Variants in ERC1 observed in about 807,000 individuals in gnomAD.
ERC1 encodes ELKS/RAB6-interacting/CAST family member 1, also known as RAB6 interacting protein 2.
In ERC1, 56 loss-of-function variants were observed where a neutral mutation model predicts 132.0. The ratio of observed to expected loss-of-function variants is 0.42; its 90% confidence interval spans 0.34 to 0.53. The LOEUF is 0.53. Ranked by LOEUF, ERC1 falls within the 20% of genes least tolerant of loss-of-function variation. ERC1 has a pLI of 0.03. For synonymous variants in ERC1, 478 were observed against 476.1 expected (o/e 1.00, Z -0.05); for missense variants, 1,202 against 1,349.9 (o/e 0.89, Z 1.72).
upstream of ERC1, chr12:991,166 G>A (rs1420964816): frequency 6.6e-6 from 1 of 151,130 alleles, no homozygotes; most frequent in Non-Finnish European, 1.5e-5. Context: ...TGCGCCCCGC[G>A]GCGGGGCTGG....
chr12:1,397,249 A>G (rs539142457), intron 16 of ERC1, among the ~76,000 whole-genome samples: 1 of 152,350 alleles, frequency 6.6e-6, no homozygotes, highest in Admixed American at 6.5e-5. Context: ...GTTTGGCAAT[A>G]TGTAGTAACA....
intron 15 of ERC1, among the ~76,000 whole-genome samples, chr12:1,291,164 G>A (rs2154340551): frequency 6.6e-6 from 1 of 152,322 alleles, no homozygotes; most frequent in East Asian, 1.9e-4. Context: ...ACCCAAGAAT[G>A]TTGAGGTGTC....
intron 12 of ERC1, among the ~76,000 whole-genome samples, chr12:1,197,385 T>G (rs900754999): frequency 1.1e-4 from 16 of 152,182 alleles, no homozygotes; most frequent in African/African-American, 3.9e-4. Flanking sequence ...CTCTCCTTCC[T>G]GAAAAGAAAT....
At chr12:1,126,601 G>T (rs1948185584) in intron 7 of ERC1, among the ~76,000 whole-genome samples, 1 of 152,126 alleles carries the variant, frequency 6.6e-6, no homozygotes, top group Non-Finnish European at 1.5e-5. Flanking sequence ...TTCTGTTCAA[G>T]AAAGAAAACC....
At chr12:1,003,096 C>CAAAAAAAAAAAAAAAAAAAAAAA (rs59507923) in intron 1 of ERC1, among the ~76,000 whole-genome samples, 1 of 86,918 alleles carries the variant, frequency 1.2e-5, no homozygotes, top group African/African-American at 5.2e-5. Flanking sequence ...ATGAAAAATG[C>CAAAAAAAAAAAAAAAAAAAAAAA]AAAAAAAAAA....
chr12:1,401,319 A>G (rs1755838859), intron 16 of ERC1, among the ~76,000 whole-genome samples: 1 of 152,190 alleles, frequency 6.6e-6, no homozygotes, highest in East Asian at 1.9e-4. Context: ...CACTAATAGT[A>G]GCAGTAGTCA....
At chr12:1,059,813 T>G (rs1287225132) in intron 2 of ERC1, among the ~76,000 whole-genome samples, 2 of 152,212 alleles carry the variant, frequency 1.3e-5, no homozygotes, top group Non-Finnish European at 2.9e-5. Context: ...TCTGTACCCT[T>G]GTCTGGTTTT....
Position 1,494,055 on chromosome 12 carries a change from C to T in ERC1, c.*3825C>T. 1 of 231,934 alleles carries T rather than the reference C, an allele frequency of 4.3e-6. No individual in the cohort carries two copies. The highest frequency in any genetic ancestry group is 8.5e-6 in the Non-Finnish European group (1 of 117,382). 14.4% of individuals were successfully genotyped at this position (231,934 alleles called of 1,614,324 possible). The stretch of plus-strand genomic sequence containing the variant: ...TGTTACTTGAGTGTAGGCCCGGTGT[C>T]AAGACCCTCAGAGTCTTTGAGGAAA... On this transcript the variant is annotated 3_prime_UTR_variant, in exon 19 of 19. Transcript: ENST00000360905.
upstream of ERC1, chr12:990,934 C>CGTGTGTGTGTGTGTGTGTGTGT (rs758442595): frequency 1.2e-3 from 124 of 99,400 alleles, no homozygotes; most frequent in African/African-American, 3.5e-3. Flanking sequence ...CCGCAGGGGT[C>CGTGTGTGTGTGTGTGTGTGTGT]GTGTGTGTGT....
chr12:1,102,190 T>C (rs549952134), intron 3 of ERC1, among the ~76,000 whole-genome samples: 1 of 152,252 alleles, frequency 6.6e-6, no homozygotes, highest in Non-Finnish European at 1.5e-5. Context: ...ACAATAACTA[T>C]TAGGTTTAGA....
chr12:1,181,564 C>T (rs566077943), intron 9 of ERC1, among the ~76,000 whole-genome samples: 2 of 152,034 alleles, frequency 1.3e-5, no homozygotes, highest in South Asian at 2.1e-4. Context: ...TTTGGGAGGC[C>T]GAGGCGGGTG....
intron 13 of ERC1, among the ~76,000 whole-genome samples, chr12:1,249,710 G>A (rs928309127): frequency 1.3e-5 from 2 of 152,266 alleles, no homozygotes; most frequent in Non-Finnish European, 2.9e-5. Context: ...CTGCTATAGC[G>A]AAATACTGTA....
At chr12:1,057,610 T>TC (rs1356575592) in intron 2 of ERC1, among the ~76,000 whole-genome samples, 116 of 54,036 alleles carry the variant, frequency 2.1e-3, no homozygotes, top group South Asian at 5.2e-3. Context: ...TTTTTTTTTT[T>TC]CCTTGAGGTG....
intron 15 of ERC1, among the ~76,000 whole-genome samples, chr12:1,326,771 T>G (rs1391855096): frequency 6.6e-6 from 1 of 152,222 alleles, no homozygotes; most frequent in Non-Finnish European, 1.5e-5. Flanking sequence ...TATTTCTCCC[T>G]CTTGGAAAGG....
At chr12:1,181,510 G>A (rs1284333970) in intron 9 of ERC1, among the ~76,000 whole-genome samples, 5 of 152,150 alleles carry the variant, frequency 3.3e-5, no homozygotes, top group African/African-American at 9.7e-5. Flanking sequence ...TTTAAAAAAT[G>A]TATTCTGGCC....
At chr12:1,405,236 G>A (rs2091398311) in intron 16 of ERC1, among the ~76,000 whole-genome samples, 2 of 149,348 alleles carry the variant, frequency 1.3e-5, no homozygotes, top group Non-Finnish European at 3.0e-5. Flanking sequence ...CATAGCAAAG[G>A]TCTCTGGGGG....
intron 8 of ERC1, among the ~76,000 whole-genome samples, chr12:1,168,857 C>G (rs914469276): frequency 6.6e-6 from 1 of 151,920 alleles, no homozygotes; most frequent in Non-Finnish European, 1.5e-5. Context: ...TGTAACTTCT[C>G]TTATGCTTTT....
At chr12:1,158,239 G>A (rs1009126093) in intron 8 of ERC1, among the ~76,000 whole-genome samples, 1 of 151,976 alleles carries the variant, frequency 6.6e-6, no homozygotes, top group Non-Finnish European at 1.5e-5. Flanking sequence ...CTTGATTTTA[G>A]TTGGTAAACT....
Position 1,379,548 on chromosome 12 carries a change from G to A in ERC1, c.2925+7571G>A, listed in dbSNP as rs140769016. Among the ~76,000 whole-genome samples, 67 of 152,270 alleles carry A rather than the reference G, an allele frequency of 4.4e-4. 1 individual carries two copies. Among genetic ancestry groups the A allele is most frequent in the East Asian group, 3.7e-3 (19 of 5,188 alleles). ...TTGTTACAGTGTTACCCCATTCCCA[G>A]TTATGCCAAAATCTATTAGTTATCT... On this transcript the variant is annotated intron_variant, in intron 16 of 18. Transcript: ENST00000360905.
Sources: gnomAD v4.1 joint callset for allele counts (sites outside exome capture counted in the v4.1 genomes callset) on GRCh38, gnomAD v4.1.1 for gene constraint, MANE v1.5 for transcripts, NCBI Gene and HGNC (gene_info 2026-07-23, HGNC 2026-07-21) for gene names.